The following ATP2A2 variants were observed in gnomAD, a reference collection of about 807,000 sequenced individuals.
The protein encoded by ATP2A2 is sarcoplasmic/endoplasmic reticulum calcium ATPase 2.
A neutral mutation model predicts 109.3 loss-of-function variants in ATP2A2; 14 were observed. The observed-to-expected ratio is 0.13, with a 90% CI of 0.08 to 0.20. ATP2A2 has a LOEUF of 0.20. Ranked by LOEUF, ATP2A2 falls within the 10% of genes least tolerant of loss-of-function variation. The probability of loss-of-function intolerance (pLI) is 1.00; values close to 1 mark genes in which losing one functional copy is unlikely to be tolerated. For synonymous variants in ATP2A2, 506 were observed against 490.9 expected, an observed-to-expected ratio of 1.03 and a Z score of -0.41; for missense variants, 657 against 1,321.6, an observed-to-expected ratio of 0.50 and a Z score of 7.80.
chr12:110,341,462 A>G (rs535798657), intron 14 of ATP2A2, among the ~76,000 whole-genome samples: 7 of 152,292 alleles, frequency 4.6e-5, no homozygotes, highest in African/African-American at 7.2e-5. Flanking sequence ...GAAACATACT[A>G]TAAGTGTACT....
chr12:110,295,147 T>C (rs542184969), intron 4 of ATP2A2, among the ~76,000 whole-genome samples: 1 of 151,928 alleles, frequency 6.6e-6, no homozygotes, highest in East Asian at 1.9e-4. Context: ...GTCATCTTTG[T>C]TCTCAGGGTC....
chr12:110,305,673 T>C (rs1875212739), intron 5 of ATP2A2, among the ~76,000 whole-genome samples: 1 of 152,192 alleles, frequency 6.6e-6, no homozygotes, highest in Non-Finnish European at 1.5e-5. Flanking sequence ...ATTGGGAACT[T>C]GGGAGTGTAA....
At chr12:110,297,444 A>AC (rs1874085695) in intron 5 of ATP2A2, among the ~76,000 whole-genome samples, 1 of 151,704 alleles carries the variant, frequency 6.6e-6, no homozygotes, top group African/African-American at 2.4e-5. Flanking sequence ...CAAAAAAAAA[A>AC]AAAAAAAACA....
chr12:110,316,971 A>G (rs1428127718), intron 5 of ATP2A2, among the ~76,000 whole-genome samples: 3 of 152,148 alleles, frequency 2.0e-5, no homozygotes, highest in Admixed American at 6.6e-5. Flanking sequence ...TGCCATTTTA[A>G]AGACAGTACT....
In ATP2A2 at chr12:110,347,695, C is replaced by T. The variant is rs139678353; in HGVS notation, c.*1225C>T. 400 of 1,166,132 alleles carry T rather than the reference C, an allele frequency of 3.4e-4. 1 individual carries two copies. Among genetic ancestry groups the T allele is most frequent in the Non-Finnish European group, 4.1e-4 (381 of 929,988 alleles). The allele number at this position is 1,166,132 out of a possible 1,614,324, so 72.2% of individuals were successfully genotyped here. ...CCACCGTTACTACGATCAATGTTTG[C>T]GCATGTTCGAGATGAGTCTCACCAA... On this transcript the variant is annotated 3_prime_UTR_variant, in exon 20 of 20. Transcript: ENST00000539276.
At chr12:110,282,525 G>T in intron 1 of ATP2A2, 79 bp from the exon 2 acceptor site, 2 of 1,547,884 alleles carry the variant, frequency 1.3e-6, no homozygotes, top group East Asian at 4.5e-5. Flanking sequence ...TTAGAAAAAC[G>T]AAGTGCTAAA....
chr12:110,293,879 T>A (rs1439024140), intron 4 of ATP2A2, among the ~76,000 whole-genome samples: 5 of 138,480 alleles, frequency 3.6e-5, no homozygotes, highest in South Asian at 2.4e-4. Flanking sequence ...TATTTTTTTT[T>A]TTTTTTTTTT....
intron 3 of ATP2A2, among the ~76,000 whole-genome samples, chr12:110,284,220 A>G (rs1872442008): frequency 6.6e-6 from 1 of 152,220 alleles, no homozygotes; most frequent in South Asian, 2.1e-4. Flanking sequence ...CAATTAAGGG[A>G]AATGAGTAGA....
chr12:110,289,547 G>A (rs190603490), intron 3 of ATP2A2, among the ~76,000 whole-genome samples: 81 of 152,178 alleles, frequency 5.3e-4, no homozygotes, highest in Non-Finnish European at 1.0e-3. Flanking sequence ...TGGTGGTCCT[G>A]GTGCCTCCTG....
intron 19 of ATP2A2, 29 bp from the exon 20 acceptor site, chr12:110,346,172 A>T: frequency 2.5e-6 from 4 of 1,614,060 alleles, no homozygotes; most frequent in Non-Finnish European, 3.4e-6. Context: ...GGGAGGCTGG[A>T]GGCGTGACAC....
rs999190748 is a variant in ATP2A2, at chr12:110,345,539, C to T, written c.2741+157C>T. On this transcript the variant is annotated intron_variant, in intron 18 of 19. Coordinates refer to ENST00000539276, the MANE Select transcript of ATP2A2 (RefSeq NM_170665.4). Reference sequence around the variant, plus strand: ...TACCAGTTTTAAAAGCATGAGCTGTCGTCACCTCCAGGAAGTAGTGGGAGT... The same window carrying T: ...TACCAGTTTTAAAAGCATGAGCTGTTGTCACCTCCAGGAAGTAGTGGGAGT... 21 of 1,158,274 alleles carry T rather than the reference C, an allele frequency of 1.8e-5. 1 individual carries two copies. Among genetic ancestry groups the T allele is most frequent in the South Asian group, 1.4e-4 (11 of 76,442 alleles). The allele number at this position is 1,158,274 out of a possible 1,614,324, so 71.7% of individuals were successfully genotyped here.
At chr12:110,333,900 A>G (rs915250293) in intron 10 of ATP2A2, 112 bp from the exon 11 acceptor site, 1 of 1,438,068 alleles carries the variant, frequency 7.0e-7, no homozygotes, top group Non-Finnish European at 9.7e-7. Context: ...AAATGGCCTT[A>G]CAGTGTTGTA....
Position 110,346,839 on chromosome 12 carries a change from G to T in ATP2A2, c.*369G>T, listed in dbSNP as rs568171355. The T allele has an allele frequency of 1.9e-5, 21 of 1,116,686 alleles. No individual in the cohort carries two copies. The highest frequency in any genetic ancestry group is 1.2e-4 in the African/African-American group (7 of 59,522). 69.2% of individuals were successfully genotyped at this position (1,116,686 alleles called of 1,614,324 possible). ...AGATTTTAGGAAATGAATGTGTGTG[G>T]TTTTTTTTCTAAAACTAAATAGCAT... is the stretch of plus-strand genomic sequence containing the variant. On this transcript the variant is annotated 3_prime_UTR_variant, in exon 20 of 20. Coordinates refer to ENST00000539276, the MANE Select transcript of ATP2A2 (RefSeq NM_170665.4).
At position 110,347,893 on chromosome 12, in the gene ATP2A2, G is replaced by A; in HGVS notation, c.*1423G>A. 1 of 997,390 alleles carries A rather than the reference G, an allele frequency of 1.0e-6. No individual in the cohort carries two copies. Among genetic ancestry groups the A allele is most frequent in the Non-Finnish European group, 1.2e-6 (1 of 837,190 alleles). 61.8% of individuals were successfully genotyped at this position (997,390 alleles called of 1,614,324 possible). On this transcript the variant is annotated 3_prime_UTR_variant, in exon 20 of 20. Transcript: ENST00000539276. ...TAACTTATAAGCCGCCTCCATGGCA[G>A]ATGCTGCTGTGCTCCCTGATGCCCT...
At chr12:110,285,915 CTT>C (rs371107246) in intron 3 of ATP2A2, among the ~76,000 whole-genome samples, 116 of 120,496 alleles carry the variant, frequency 9.6e-4, no homozygotes, top group African/African-American at 1.8e-3. Context: ...TGAGTTAGTG[CTT>C]TTTTTTTTTT....
At chr12:110,326,557 C>G (rs1414072950) in intron 7 of ATP2A2, 82 bp downstream of exon 7, 1 of 1,221,742 alleles carries the variant, frequency 8.2e-7, no homozygotes, top group Non-Finnish European at 1.2e-6. Context: ...TGCCAACCAT[C>G]ACTGGCTATC....
At position 110,339,812 on chromosome 12, in the gene ATP2A2, A is replaced by C; in HGVS notation, c.1761+91A>C. 2.3e-5 allele frequency: 32 copies of C among 1,387,730 alleles called. No homozygotes were observed. Among genetic ancestry groups the C allele is most frequent in the Non-Finnish European group, 3.0e-5 (30 of 992,398 alleles). 86.0% of individuals were successfully genotyped at this position (1,387,730 alleles called of 1,614,324 possible). ...TCAAGCAAAAGGTCAAACAGTTCTC[A>C]CTTTTGCCAAGAAAGAGGTGTGGTT... On this transcript the variant is annotated intron_variant, in intron 13 of 19. Transcript: ENST00000539276. This position sits in a 1 kb window ranked among gnomAD's most constrained non-coding sequence, Gnocchi z 4.4.
chr12:110,312,514 C>G (rs1876190654), intron 5 of ATP2A2, among the ~76,000 whole-genome samples: 1 of 152,070 alleles, frequency 6.6e-6, no homozygotes, highest in African/African-American at 2.4e-5. Flanking sequence ...TGTCCTCCTC[C>G]TCAGAAAGTC....
intron 15 of ATP2A2, 80 bp from the exon 16 acceptor site, chr12:110,343,152 G>T: frequency 7.2e-7 from 1 of 1,397,652 alleles, no homozygotes; most frequent in South Asian, 1.2e-5. Flanking sequence ...TTCTGGAGGA[G>T]GGCGGGTTGA....
Sources: allele counts gnomAD v4.1 joint callset (sites outside exome capture counted in the v4.1 genomes callset), GRCh38; gene constraint gnomAD v4.1.1; non-coding constraint Gnocchi (gnomAD v3.1); transcripts MANE v1.5; gene names NCBI Gene and HGNC (gene_info 2026-07-23, HGNC 2026-07-21).